Variants in RBFOX1 observed in about 807,000 individuals in gnomAD.
RBFOX1 encodes the protein RNA binding fox-1 homolog 1, also known as RNA binding protein fox-1 homolog 1.
RBFOX1 carries 8 observed loss-of-function variants against 57.7 expected under a neutral mutation model. The observed-to-expected ratio is 0.14, with a 90% CI of 0.08 to 0.25. RBFOX1 has a LOEUF of 0.25. Among genes scored for constraint, RBFOX1 ranks in the 10% least tolerant of loss-of-function variants. The pLI, the probability that RBFOX1 is intolerant of heterozygous loss-of-function variation, is 1.00. For synonymous variants in RBFOX1, 326 were observed against 222.4 expected (o/e 1.47, Z -4.15); for missense variants, 611 against 548.5 (o/e 1.11, Z -1.14).
intron 4 of RBFOX1, among the ~76,000 whole-genome samples, chr16:5,913,712 T>C (rs1177591948): frequency 6.6e-6 from 1 of 152,240 alleles, no homozygotes; most frequent in Non-Finnish European, 1.5e-5. Flanking sequence ...CACCAGATCC[T>C]TGCTCAAGAA....
At chr16:6,010,342 C>T (rs1163535042) in intron 4 of RBFOX1, among the ~76,000 whole-genome samples, 2 of 152,196 alleles carry the variant, frequency 1.3e-5, no homozygotes, top group African/African-American at 2.4e-5. Flanking sequence ...AGCTCCCTTG[C>T]CCCGGGGTGG....
chr16:7,319,493 G>C (rs559242338), intron 4 of RBFOX1, among the ~76,000 whole-genome samples: 2 of 152,308 alleles, frequency 1.3e-5, no homozygotes, highest in South Asian at 4.1e-4. Flanking sequence ...GTATGTCTGG[G>C]TCTGAATATA....
At chr16:7,180,039 A>G (rs1485202433) in intron 4 of RBFOX1, among the ~76,000 whole-genome samples, 2 of 152,110 alleles carry the variant, frequency 1.3e-5, no homozygotes, top group East Asian at 3.9e-4. Context: ...CACTGAGTCC[A>G]GACCTTCCTA....
At chr16:6,766,362 G>A (rs754403727) in intron 3 of RBFOX1, among the ~76,000 whole-genome samples, 48 of 151,854 alleles carry the variant, frequency 3.2e-4, no homozygotes, top group Non-Finnish European at 1.8e-4. Flanking sequence ...TCCTACTTGA[G>A]CATTTGTCTG....
intron 3 of RBFOX1, among the ~76,000 whole-genome samples, chr16:6,801,351 G>C (rs1015234774): frequency 3.3e-5 from 5 of 152,106 alleles, no homozygotes; most frequent in Non-Finnish European, 5.9e-5. Context: ...TAATGGTCAG[G>C]CTTATGTATT....
chr16:6,422,070 A>C (rs1276128347), intron 2 of RBFOX1, among the ~76,000 whole-genome samples: 2 of 151,488 alleles, frequency 1.3e-5, no homozygotes, highest in Non-Finnish European at 2.9e-5. Context: ...ACAGGTAAGT[A>C]CCACCACGCC....
intron 12 of RBFOX1, among the ~76,000 whole-genome samples, chr16:7,663,613 G>T (rs915960944): frequency 6.6e-6 from 1 of 151,898 alleles, no homozygotes; most frequent in Non-Finnish European, 1.5e-5. Context: ...GGAATCCTTT[G>T]GTATTAAAGT....
chr16:5,571,502 G>A (rs184426921), intron 2 of RBFOX1, among the ~76,000 whole-genome samples: 1 of 152,172 alleles, frequency 6.6e-6, no homozygotes, highest in Admixed American at 6.5e-5. Flanking sequence ...AGGCCTGAGG[G>A]TCGTGGCCAA....
At chr16:7,024,626 A>G (rs1272233373) in intron 3 of RBFOX1, among the ~76,000 whole-genome samples, 1 of 152,140 alleles carries the variant, frequency 6.6e-6, no homozygotes, top group African/African-American at 2.4e-5. Context: ...CCCTGCCACC[A>G]TCTTTGTTTG....
At chr16:7,230,723 A>G (rs1039957831) in intron 4 of RBFOX1, among the ~76,000 whole-genome samples, 19 of 152,198 alleles carry the variant, frequency 1.2e-4, no homozygotes, top group Admixed American at 1.1e-3. Flanking sequence ...CTTTAAGGCC[A>G]CTTCTGTCAA....
intron 3 of RBFOX1, among the ~76,000 whole-genome samples, chr16:6,822,681 G>A (rs1228603501): frequency 1.3e-5 from 2 of 152,172 alleles, no homozygotes; most frequent in South Asian, 2.1e-4. Flanking sequence ...ACACGCTATG[G>A]TGTGTTTTTA....
intron 2 of RBFOX1, among the ~76,000 whole-genome samples, chr16:6,457,438 T>TGCCCCCCCCCC (rs757540836): frequency 5.5e-5 from 3 of 54,292 alleles, no homozygotes; most frequent in Non-Finnish European, 1.2e-4. Flanking sequence ...TTTCCGGAAG[T>TGCCCCCCCCCC]CCCCCCCCCC....
intron 3 of RBFOX1, among the ~76,000 whole-genome samples, chr16:5,799,176 A>G (rs1261259677): frequency 6.6e-6 from 1 of 152,080 alleles, no homozygotes; most frequent in Non-Finnish European, 1.5e-5. Flanking sequence ...CCAAGCAGAA[A>G]GGGAAACCCC....
At position 6,327,944 on chromosome 16, in the gene RBFOX1, G is replaced by A. The variant is rs144392800; in HGVS notation, c.-64+10887G>A. On this transcript the variant is annotated intron_variant, in intron 2 of 15. Transcript: ENST00000550418. ...TGGTCCCAGTCTGCTTTTATGGGGC[G>A]TACACTCAGAAGACAGCTTCTGAAA... Among the ~76,000 whole-genome samples the A allele has an allele frequency of 2.9e-3, 438 of 152,200 alleles. 2 individuals are homozygous for A. The highest frequency in any genetic ancestry group is 5.4e-3 in the Non-Finnish European group (364 of 68,014).
intron 2 of RBFOX1, among the ~76,000 whole-genome samples, chr16:6,485,941 C>T (rs9940817): frequency 0.77 from 117,480 of 151,738 alleles, 46,113 homozygotes; most frequent in East Asian, 0.94. Flanking sequence ...AATTGAAGTA[C>T]AACAAAAATA....
intron 2 of RBFOX1, among the ~76,000 whole-genome samples, chr16:5,577,627 G>T (rs2046510852): frequency 6.6e-6 from 1 of 152,184 alleles, no homozygotes; most frequent in Admixed American, 6.5e-5. Context: ...TTGAGGCCAG[G>T]TGTGGTCTCG....
intron 13 of RBFOX1, among the ~76,000 whole-genome samples, chr16:7,673,358 T>C (rs1206632872): frequency 6.6e-6 from 1 of 152,256 alleles, no homozygotes; most frequent in East Asian, 1.9e-4. Flanking sequence ...ACCAGTTTGG[T>C]TGTGGAAATT....
intron 3 of RBFOX1, among the ~76,000 whole-genome samples, chr16:6,924,573 A>T (rs1567904708): frequency 6.6e-6 from 1 of 152,090 alleles, no homozygotes; most frequent in Non-Finnish European, 1.5e-5. Flanking sequence ...CACATATCCA[A>T]ACTGTATCAC....
At chr16:6,691,076 C>T (rs923153667) in intron 3 of RBFOX1, among the ~76,000 whole-genome samples, 6 of 152,008 alleles carry the variant, frequency 3.9e-5, no homozygotes, top group Non-Finnish European at 5.9e-5. Flanking sequence ...GTTAACATGA[C>T]GATGTCACTG....
Sources: gnomAD v4.1 joint callset for allele counts (sites outside exome capture counted in the v4.1 genomes callset) on GRCh38, gnomAD v4.1.1 for gene constraint, MANE v1.5 for transcripts, NCBI Gene and HGNC (gene_info 2026-07-23, HGNC 2026-07-21) for gene names.